Variants in TFCP2L1 observed in about 807,000 individuals in gnomAD.
TFCP2L1 encodes the protein transcription factor CP2-like protein 1.
A neutral mutation model predicts 72.2 loss-of-function variants in TFCP2L1; 12 were observed. That is an observed-to-expected ratio of 0.17 (90% confidence interval 0.11 to 0.27). TFCP2L1 has a LOEUF of 0.27. Ranked by LOEUF, TFCP2L1 falls within the 10% of genes least tolerant of loss-of-function variation. The pLI, the probability that TFCP2L1 is intolerant of heterozygous loss-of-function variation, is 1.00. For synonymous variants in TFCP2L1, 260 were observed against 251.0 expected (o/e 1.04, Z -0.34); for missense variants, 488 against 624.6 (o/e 0.78, Z 2.33).
intron 2 of TFCP2L1, among the ~76,000 whole-genome samples, chr2:121,263,629 T>C (rs1220636308): frequency 2.0e-5 from 3 of 152,208 alleles, no homozygotes; most frequent in Admixed American, 6.5e-5. Context: ...ATGCCAAGTG[T>C]GGAGACAGGT....
At chr2:121,235,349 ACC>A in intron 10 of TFCP2L1, 38 bp from the exon 11 acceptor site, 1 of 1,587,962 alleles carries the variant, frequency 6.3e-7, no homozygotes, top group East Asian at 2.3e-5. Flanking sequence ...GTTACATGGA[ACC>A]CAGAGAAAGG....
intron 14 of TFCP2L1, 90 bp from the exon 15 acceptor site, chr2:121,224,477 A>G (rs951072593): frequency 7.0e-5 from 96 of 1,380,802 alleles, no homozygotes; most frequent in Admixed American, 3.0e-4. Flanking sequence ...CTGTTAGGGT[A>G]TCAGCAAAGA....
At chr2:121,257,981 CATGGACA>C (rs1396936422) in intron 2 of TFCP2L1, among the ~76,000 whole-genome samples, 2 of 152,134 alleles carry the variant, frequency 1.3e-5, no homozygotes, top group African/African-American at 4.8e-5. Flanking sequence ...CCCCCAGCAC[CATGGACA>C]ATACTGGTAT....
Position 121,225,558 on chromosome 2 carries a change from T to C in TFCP2L1, c.1393+4A>G. 1 of 1,614,032 alleles carries C rather than the reference T, an allele frequency of 6.2e-7. No homozygotes were observed. Among genetic ancestry groups the C allele is most frequent in the Non-Finnish European group, 8.5e-7 (1 of 1,179,974 alleles). ...ACTACCCTAGGGGGAGGGGGAGGCTTCACCTTTAATTGTGCTGAGGACAAA... is the reference window on the plus strand; with the variant it reads ...ACTACCCTAGGGGGAGGGGGAGGCTCCACCTTTAATTGTGCTGAGGACAAA... On this transcript the variant is annotated splice_donor_region_variant and intron_variant, in intron 14 of 14. Coordinates refer to ENST00000263707, the MANE Select transcript of TFCP2L1 (RefSeq NM_014553.3).
chr2:121,264,807 C>A (rs911683807), intron 2 of TFCP2L1, among the ~76,000 whole-genome samples: 2 of 152,244 alleles, frequency 1.3e-5, no homozygotes, highest in Non-Finnish European at 2.9e-5. Flanking sequence ...CCCTCTCCAT[C>A]ATAAAGACAG....
chr2:121,269,918 A>AAAAAAAAAAAAAAAAAAAAAAAAAAT, intron 2 of TFCP2L1, among the ~76,000 whole-genome samples: 2 of 115,178 alleles, frequency 1.7e-5, no homozygotes, highest in African/African-American at 3.7e-5. Context: ...AAAAAAAAAA[A>AAAAAAAAAAAAAAAAAAAAAAAAAAT]ATATATATAT....
At chr2:121,269,952 T>C (rs1229527937) in intron 2 of TFCP2L1, among the ~76,000 whole-genome samples, 1 of 135,590 alleles carries the variant, frequency 7.4e-6, no homozygotes, top group East Asian at 2.4e-4. Context: ...AGAAATAAAC[T>C]AATTTAAAAA....
chr2:121,274,115 A>G (rs1249920427), intron 2 of TFCP2L1, among the ~76,000 whole-genome samples: 5 of 152,030 alleles, frequency 3.3e-5, no homozygotes, highest in Non-Finnish European at 5.9e-5. Context: ...AAAAAGAAAA[A>G]AAAAACCAAT....
chr2:121,270,394 C>T (rs1687022167), intron 2 of TFCP2L1, among the ~76,000 whole-genome samples: 1 of 152,212 alleles, frequency 6.6e-6, no homozygotes, highest in South Asian at 2.1e-4. Flanking sequence ...AAAGTACAAA[C>T]TGGCACAACT....
chr2:121,266,026 T>G (rs778194639), intron 2 of TFCP2L1, among the ~76,000 whole-genome samples: 7 of 152,152 alleles, frequency 4.6e-5, no homozygotes, highest in Non-Finnish European at 8.8e-5. Context: ...CCACCACACC[T>G]GGCTAATTTT....
chr2:121,249,746 G>A (rs946478796), intron 2 of TFCP2L1, 99 bp from the exon 3 acceptor site: 12 of 1,197,862 alleles, frequency 1.0e-5, no homozygotes, highest in African/African-American at 3.0e-5. Flanking sequence ...TGCCCATCCA[G>A]GCCTCAAGGC....
chr2:121,239,278 G>A (rs923940782), intron 8 of TFCP2L1, among the ~76,000 whole-genome samples: 1 of 152,176 alleles, frequency 6.6e-6, no homozygotes, highest in South Asian at 2.1e-4. Flanking sequence ...TGCCCCAGAG[G>A]GCACCAGAGG....
Position 121,242,483 on chromosome 2 carries a change from ACAGAGTCCAAT to A in TFCP2L1, c.658-25_658-15del. ...GGCTCCCTTCGGCTGCGAGCAGAGT[ACAGAGTCCAAT>A]CAGCCCAAAACCAACACAGGCAGCA... On this transcript the variant is annotated splice_polypyrimidine_tract_variant and intron_variant, in intron 6 of 14. Transcript: ENST00000263707. 1 of 1,613,278 alleles carries A rather than the reference ACAGAGTCCAAT, an allele frequency of 6.2e-7. No homozygotes were observed.
At chr2:121,263,742 G>T (rs1252348041) in intron 2 of TFCP2L1, among the ~76,000 whole-genome samples, 1 of 152,052 alleles carries the variant, frequency 6.6e-6, no homozygotes, top group Non-Finnish European at 1.5e-5. Flanking sequence ...ACTGCCATTT[G>T]TGTGTGTGTG....
chr2:121,262,629 G>A (rs1261353062), intron 2 of TFCP2L1, among the ~76,000 whole-genome samples: 2 of 152,176 alleles, frequency 1.3e-5, no homozygotes, highest in African/African-American at 2.4e-5. Flanking sequence ...GGGAGAACTG[G>A]TAAAATGCAC....
chr2:121,268,286 T>C lies in TFCP2L1; in HGVS notation c.214+12834A>G, dbSNP rs779789954. On this transcript the variant is annotated intron_variant, in intron 2 of 14. Coordinates refer to ENST00000263707, the MANE Select transcript of TFCP2L1 (RefSeq NM_014553.3). ...CCTTTGAACGTGGTTTACCACATTC[T>C]TTGCTGATTAAACATTTTTATAAAT... Among the ~76,000 whole-genome samples the C allele has an allele frequency of 3.3e-5, 5 of 152,258 alleles. No individual in the cohort carries two copies. The South Asian group carries it at 8.3e-4, about 25-fold the overall frequency.
At chr2:121,229,999 C>T (rs970084681) in intron 13 of TFCP2L1, among the ~76,000 whole-genome samples, 2 of 152,110 alleles carry the variant, frequency 1.3e-5, no homozygotes, top group African/African-American at 4.8e-5. Context: ...CAAATACTGG[C>T]CTTGTGTCCT....
At chr2:121,230,368 C>T (rs1335090079) in intron 13 of TFCP2L1, among the ~76,000 whole-genome samples, 1 of 152,128 alleles carries the variant, frequency 6.6e-6, no homozygotes, top group African/African-American at 2.4e-5. Context: ...ACAGGGGTTT[C>T]TCCATGTTGG....
At chr2:121,256,825 G>T (rs1472732667) in intron 2 of TFCP2L1, among the ~76,000 whole-genome samples, 1 of 151,950 alleles carries the variant, frequency 6.6e-6, no homozygotes, top group Admixed American at 6.6e-5. Flanking sequence ...GCGTGGTGGT[G>T]GGTGCCTGTA....
Sources: allele counts gnomAD v4.1 joint callset (sites outside exome capture counted in the v4.1 genomes callset), GRCh38; gene constraint gnomAD v4.1.1; transcripts MANE v1.5; gene names NCBI Gene and HGNC (gene_info 2026-07-23, HGNC 2026-07-21).